CARD9: variants seen among roughly 807,000 people sequenced by gnomAD.
The protein encoded by CARD9 is caspase recruitment domain family member 9, also known as caspase recruitment domain-containing protein 9.
In CARD9, 53 loss-of-function variants were observed where a neutral mutation model predicts 66.0. The observed-to-expected ratio is 0.80, with a 90% CI of 0.64 to 1.01. The LOEUF (loss-of-function observed/expected upper bound fraction) is 1.01. Among genes scored for constraint, CARD9 ranks in the 50% least tolerant of loss-of-function variants. The pLI, the probability that CARD9 is intolerant of heterozygous loss-of-function variation, is 0.00. For synonymous variants in CARD9, 387 were observed against 313.8 expected (o/e 1.23, Z -2.47); for missense variants, 769 against 743.2 (o/e 1.03, Z -0.40).
chr9:136,365,021 T>C, intron 11 of CARD9, 120 bp downstream of exon 11: 1 of 907,538 alleles, frequency 1.1e-6, no homozygotes, highest in East Asian at 2.5e-5. Flanking sequence ...GACCTTGTGG[T>C]CACTCCTCAG....
chr9:136,364,940 C>T lies in CARD9; in HGVS notation c.1434+201G>A. The T allele has an allele frequency of 5.0e-6, 3 of 599,776 alleles. No homozygotes were observed. In the South Asian group the frequency reaches 6.0e-5, roughly 12 times the overall value. 37.2% of individuals were successfully genotyped at this position (599,776 alleles called of 1,614,324 possible). A position where few individuals can be genotyped will look rare whatever the true frequency, so the allele number is the denominator to read the frequency against. Reference sequence around the variant, plus strand: ...ATCCACGTCCAAAAAGCCCCCCAAGCTGCTGCAGTGCCCAAGAAAGGGGGA... The same window carrying T: ...ATCCACGTCCAAAAAGCCCCCCAAGTTGCTGCAGTGCCCAAGAAAGGGGGA... On this transcript the variant is annotated intron_variant, in intron 11 of 12. Transcript: ENST00000371732.
intron 9 of CARD9, 34 bp downstream of exon 9, chr9:136,367,182 A>G (rs775063970): frequency 1.3e-5 from 21 of 1,606,112 alleles, no homozygotes; most frequent in Non-Finnish European, 1.6e-5. Flanking sequence ...AGGTGAAGGA[A>G]GGCCAGCCTC....
At position 136,364,503 on chromosome 9, in the gene CARD9, CTCTT is replaced by C. The variant is rs1833068376; in HGVS notation, c.1487_1490del (p.Lys496ArgfsTer86). 1.3e-6 allele frequency: 2 copies of C among 1,539,504 alleles called. No homozygotes were observed. The highest frequency in any genetic ancestry group is 2.0e-5 in the Admixed American group (1 of 51,010). On this transcript the variant is annotated frameshift_variant, in exon 12 of 13. Transcript: ENST00000371732. LOFTEE classifies it high-confidence loss of function. ...CCTACCTGCGGTAGTTCTCAAAACT[CTCTT>C]TGAGGCGCCGCCGCTCCTTCTCGGG...
Position 136,371,973 on chromosome 9 carries a change from G to A in CARD9, c.106C>T (p.Gln36Ter), listed in dbSNP as rs768845190. Residue 36 changes from glutamine (Q) to a stop codon, truncating the protein, a stop_gained, in exon 2 of 13, where the codon CAG becomes TAG. Transcript: ENST00000371732. LOFTEE classifies it high-confidence loss of function. The stretch of plus-strand genomic sequence containing the variant: ...TCATCGGGGTTCAGGACCTTGCACT[G>A]CCGCAGGTAAGGTGTGATGCGTGAG... ...DPSRITPYLRQCKVLNPDDEE... is the reference protein window; with the variant it reads ...DPSRITPYLR 1.2e-6 allele frequency: 2 copies of A among 1,612,552 alleles called. No homozygotes were observed. The highest frequency in any genetic ancestry group is 2.7e-5 in the African/African-American group (2 of 74,936).
At position 136,371,477 on chromosome 9, in the gene CARD9, G is replaced by C. The variant is rs753610539; in HGVS notation, c.185-16C>G. ...AGGAGCACACCTGCGGGCCAGAGAG[G>C]CCTAACTGGGGGCGGGGCACAGGCG... On this transcript the variant is annotated splice_polypyrimidine_tract_variant and intron_variant, in intron 2 of 12. Coordinates refer to ENST00000371732, the MANE Select transcript of CARD9 (RefSeq NM_052813.5). 3 of 1,521,340 alleles carry C rather than the reference G, an allele frequency of 2.0e-6. No individual in the cohort carries two copies. In the Admixed American group the frequency reaches 5.7e-5, roughly 29 times the overall value. 94.2% of individuals were successfully genotyped at this position (1,521,340 alleles called of 1,614,324 possible).
At chr9:136,367,420 G>C in intron 8 of CARD9, 163 bp from the exon 9 acceptor site, 1 of 978,518 alleles carries the variant, frequency 1.0e-6, no homozygotes, top group Non-Finnish European at 1.5e-6. Context: ...CTGCCTGATG[G>C]CCAGGCCCAG....
At position 136,369,730 on chromosome 9, in the gene CARD9, C is replaced by A; in HGVS notation, c.1077+20G>T. On this transcript the variant is annotated intron_variant, in intron 7 of 12. Transcript: ENST00000371732. The stretch of plus-strand genomic sequence containing the variant: ...CCACCCGCGAGTGGGGTGCTTTGTC[C>A]TGCCCCTGCGAGTGCCCACCTGGTC... 2 of 1,579,688 alleles carry A rather than the reference C, an allele frequency of 1.3e-6. No individual in the cohort carries two copies. Among genetic ancestry groups the A allele is most frequent in the East Asian group, 2.3e-5 (1 of 43,656 alleles).
Position 136,369,768 on chromosome 9 carries a change from G to T in CARD9, c.1059C>A (p.Val353=). ...IEAILLQMEE[V]AIERDQAIAT... is the part of the protein sequence containing the mutation. The stretch of plus-strand genomic sequence containing the variant: ...TGCCCACCTGGTCCCGCTCAATGGC[G>T]ACCTCCTCCATCTGCAGCAGGATGG... Residue 353 remains valine (V), a synonymous_variant, in exon 7 of 13, where the codon GTC becomes GTA. Transcript: ENST00000371732. The T allele has an allele frequency of 6.2e-7, 1 of 1,606,862 alleles. No homozygotes were observed.
intron 1 of CARD9, among the ~76,000 whole-genome samples, chr9:136,372,690 C>G (rs1056068161): frequency 3.2e-4 from 49 of 152,326 alleles, no homozygotes; most frequent in African/African-American, 1.1e-3. Context: ...CCTCCCTCCT[C>G]CACGGCCGGC....
At position 136,372,001 on chromosome 9, in the gene CARD9, G is replaced by A. The variant is rs1054511423; in HGVS notation, c.78C>T (p.Asp26=). Residue 26 remains aspartate, a synonymous_variant, in exon 2 of 13, where the codon GAC becomes GAT. Transcript: ENST00000371732. ...GFRVTLTSVI[D]PSRITPYLRQ... ...GCAGGTAAGGTGTGATGCGTGAGGG[G>A]TCGATGACCGAGGTGAGCGTCACCC... The A allele has an allele frequency of 6.8e-6, 11 of 1,612,670 alleles. No homozygotes were observed. The African/African-American group carries it at 1.1e-4, about 16-fold the overall frequency.
At chr9:136,369,154 C>G (rs751592915) in intron 7 of CARD9, among the ~76,000 whole-genome samples, 5 of 152,082 alleles carry the variant, frequency 3.3e-5, no homozygotes, top group Non-Finnish European at 5.9e-5. Context: ...AGGGATCTCA[C>G]CGTGTTGCCC....
chr9:136,365,089 C>G, intron 11 of CARD9, 52 bp downstream of exon 11: 1 of 1,568,282 alleles, frequency 6.4e-7, no homozygotes, highest in Non-Finnish European at 8.7e-7. Context: ...TCCCTGTGAT[C>G]GGTCACCCTG....
intron 10 of CARD9, chr9:136,365,915 C>T (rs1833114033): frequency 6.5e-6 from 1 of 152,794 alleles, no homozygotes; most frequent in African/African-American, 2.4e-5. Context: ...GAGCCGGACT[C>T]CTGGGTCCTG....
Position 136,364,538 on chromosome 9 carries a change from C to T in CARD9, c.1456G>A (p.Glu486Lys), listed in dbSNP as rs1188918578. The stretch of plus-strand genomic sequence containing the variant: ...CGCCGCCGCTCCTTCTCGGGCGGCT[C>T]CCCGCTGCTCAGGCCTGCGTCCTGG... ...NPHDAGLSSG[E>K]PPEKERRRLK... The change falls in exon 12 of 13, where the codon GAG becomes AAG. Residue 486 changes from glutamate (E) to lysine (K), a missense_variant. Physicochemically the swap from Glu to Lys is moderately conservative, Grantham distance 56. Transcript: ENST00000371732. 2 of 1,538,954 alleles carry T rather than the reference C, an allele frequency of 1.3e-6. No homozygotes were observed. The highest frequency in any genetic ancestry group is 1.7e-6 in the Non-Finnish European group (2 of 1,146,800).
Position 136,370,306 on chromosome 9 carries a change from G to A in CARD9, c.939C>T (p.Ala313=). 6.2e-7 allele frequency: 1 copy of A among 1,604,912 alleles called. No individual in the cohort carries two copies. Residue 313 remains alanine (A), a synonymous_variant, in exon 6 of 13, where the codon GCC becomes GCT. Coordinates refer to ENST00000371732, the MANE Select transcript of CARD9 (RefSeq NM_052813.5). ...SLRKDLRQGE[A]RRLRCMEEKE... ...CCTGCCCTCCTACCCGGAGGCGTCGGGCCTCGCCCTGGCGGAGGTCCTTGC... is the reference window on the plus strand; with the variant it reads ...CCTGCCCTCCTACCCGGAGGCGTCGAGCCTCGCCCTGGCGGAGGTCCTTGC...
At position 136,364,317 on chromosome 9, in the gene CARD9, G is replaced by A. The variant is rs151057624; in HGVS notation, c.1596C>T (p.Asp532=). The change falls in exon 13 of 13, where the codon GAC becomes GAT. Residue 532 remains aspartate, a synonymous_variant. Transcript: ENST00000371732. ...RENTTGSDNT[D]TEGS ...GCTGCTGCGGCTAGGAGCCCTCAGT[G>A]TCGGTGTTGTCGCTGCCCGTGGTGT... is the stretch of plus-strand genomic sequence containing the variant. 496 of 1,560,296 alleles carry A rather than the reference G, an allele frequency of 3.2e-4. 5 individuals carry two copies. In the African/African-American group the frequency reaches 6.0e-3, roughly 19 times the overall value.
intron 8 of CARD9, 143 bp downstream of exon 8, chr9:136,367,494 C>A: frequency 9.2e-7 from 1 of 1,087,792 alleles, no homozygotes; most frequent in South Asian, 1.5e-5. Flanking sequence ...GTGCCCTCAC[C>A]CCACTGCCAG....
rs746544609 is a variant in CARD9, at chr9:136,367,821, G to T, written c.1085C>A (p.Ala362Asp). Residue 362 changes from alanine to aspartate, a missense_variant, in exon 8 of 13, where the codon GCC becomes GAC. Transcript: ENST00000371732. ...CTGTGCGTGCAGCTCCTCCCGCGTG[G>T]CTATGGCCTGACGGGACAGCACAAG... ...EVAIERDQAI[A>D]TREELHAQHA... 6 of 1,599,598 alleles carry T rather than the reference G, an allele frequency of 3.8e-6. No individual in the cohort carries two copies. In the South Asian group the frequency reaches 6.6e-5, roughly 18 times the overall value.
chr9:136,372,756 C>T (rs1359096247), intron 1 of CARD9, among the ~76,000 whole-genome samples: 1 of 152,256 alleles, frequency 6.6e-6, no homozygotes, highest in Non-Finnish European at 1.5e-5. Flanking sequence ...GGTCGCTGCA[C>T]TGGCCGGGAA....
Sources: allele counts gnomAD v4.1 joint callset (sites outside exome capture counted in the v4.1 genomes callset), GRCh38; gene constraint gnomAD v4.1.1; transcripts MANE v1.5; gene names NCBI Gene and HGNC (gene_info 2026-07-23, HGNC 2026-07-21).